The following TMEM232 variants were observed in gnomAD, a reference collection of about 807,000 sequenced individuals.
The protein encoded by TMEM232 is transmembrane protein 232.
A neutral mutation model predicts 78.8 loss-of-function variants in TMEM232; 80 were observed. The observed-to-expected ratio is 1.01, with a 90% CI of 0.85 to 1.22. The LOEUF is 1.22. TMEM232 is among the 50% of genes most tolerant of loss of function. TMEM232 has a pLI of 0.00. For synonymous variants in TMEM232, 297 were observed against 254.3 expected, an observed-to-expected ratio of 1.17 and a Z score of -1.60; for missense variants, 881 against 742.2, an observed-to-expected ratio of 1.19 and a Z score of -2.17.
At chr5:110,550,588 T>C (rs528170830) in intron 11 of TMEM232, among the ~76,000 whole-genome samples, 24 of 152,036 alleles carry the variant, frequency 1.6e-4, no homozygotes, top group African/African-American at 5.3e-4. Context: ...ACAAATTCTA[T>C]ATATGCATAT....
chr5:110,683,406 T>C (rs1035242802), intron 1 of TMEM232, among the ~76,000 whole-genome samples: 12 of 151,874 alleles, frequency 7.9e-5, no homozygotes, highest in Admixed American at 7.2e-4. Context: ...ATATATGTTG[T>C]GGCCTTGTAA....
intron 10 of TMEM232, among the ~76,000 whole-genome samples, chr5:110,596,742 A>G (rs894905861): frequency 2.0e-5 from 3 of 152,350 alleles, no homozygotes; most frequent in African/African-American, 4.8e-5. Context: ...TCCAGCATAT[A>G]AACAGAGCCA....
intron 10 of TMEM232, among the ~76,000 whole-genome samples, chr5:110,571,198 A>G (rs1488216461): frequency 6.6e-6 from 1 of 152,078 alleles, no homozygotes; most frequent in Non-Finnish European, 1.5e-5. Flanking sequence ...CTACTGGAGA[A>G]GAGAGAATAT....
chr5:110,610,567 C>T (rs1360161518), intron 8 of TMEM232: 2 of 456,196 alleles, frequency 4.4e-6, no homozygotes, highest in Middle Eastern at 3.3e-4. Context: ...AAGTTTCTCT[C>T]TAGGTAAAGC....
At chr5:110,521,402 T>TA (rs1769480772) in intron 12 of TMEM232, among the ~76,000 whole-genome samples, 1 of 152,224 alleles carries the variant, frequency 6.6e-6, no homozygotes, top group African/African-American at 2.4e-5. Context: ...TATTTTCTCC[T>TA]AATCTGTAGG....
intron 8 of TMEM232, among the ~76,000 whole-genome samples, chr5:110,607,694 G>A (rs1001014458): frequency 2.6e-5 from 4 of 151,958 alleles, no homozygotes; most frequent in African/African-American, 9.7e-5. Flanking sequence ...ATACAGTGCA[G>A]ATTGGTTAAT....
Position 110,528,740 on chromosome 5 carries a change from C to A in TMEM232, c.1551G>T (p.Trp517Cys). ...GEEVFSKYIG[W>C]RIANTLSKLF... ...GTTTGGAAAGAGTGTTGGCAATTCT[C>A]CACCCAATATATTTGGAGAAAACTT... The change falls in exon 12 of 14, where the codon TGG becomes TGT. Residue 517 changes from tryptophan (W) to cysteine (C), a missense_variant. Physicochemically the swap from Trp to Cys is radical, Grantham distance 215 (BLOSUM62 -2). Coordinates refer to ENST00000455884, the MANE Select transcript of TMEM232 (RefSeq NM_001039763.4). 1 of 1,533,342 alleles carries A rather than the reference C, an allele frequency of 6.5e-7. No individual in the cohort carries two copies. The highest frequency in any genetic ancestry group is 8.7e-7 in the Non-Finnish European group (1 of 1,145,586). The allele number at this position is 1,533,342 out of a possible 1,614,324, so 95.0% of individuals were successfully genotyped here. A position where few individuals can be genotyped will look rare whatever the true frequency, so the allele number is the denominator to read the frequency against.
intron 12 of TMEM232, among the ~76,000 whole-genome samples, chr5:110,521,095 T>G (rs893150347): frequency 2.6e-5 from 4 of 152,100 alleles, no homozygotes; most frequent in Non-Finnish European, 4.4e-5. Flanking sequence ...CGTCCTAGTA[T>G]GTCTAAGGCC....
chr5:110,648,558 AT>A (rs529435083), intron 2 of TMEM232, among the ~76,000 whole-genome samples: 32 of 152,130 alleles, frequency 2.1e-4, no homozygotes, highest in Non-Finnish European at 4.1e-4. Flanking sequence ...GTGAAGCAAA[AT>A]GTTCTTTCTT....
At chr5:110,705,307 T>C (rs926122572) in intron 1 of TMEM232, among the ~76,000 whole-genome samples, 3 of 152,062 alleles carry the variant, frequency 2.0e-5, no homozygotes, top group African/African-American at 7.2e-5. Flanking sequence ...GGGCAGGACT[T>C]AGGATATTAG....
intron 12 of TMEM232, among the ~76,000 whole-genome samples, chr5:110,496,598 A>G (rs1765670371): frequency 6.6e-6 from 1 of 152,032 alleles, no homozygotes; most frequent in Non-Finnish European, 1.5e-5. Flanking sequence ...GAGAAGAGAG[A>G]ACAGATGTCT....
chr5:110,532,191 A>C (rs1771604198), intron 11 of TMEM232, among the ~76,000 whole-genome samples: 1 of 152,072 alleles, frequency 6.6e-6, no homozygotes, highest in Non-Finnish European at 1.5e-5. Context: ...CCATTTGTGC[A>C]GGATCCCACT....
At chr5:110,698,705 A>G (rs1186044786) in intron 1 of TMEM232, among the ~76,000 whole-genome samples, 1 of 152,034 alleles carries the variant, frequency 6.6e-6, no homozygotes, top group Non-Finnish European at 1.5e-5. Flanking sequence ...CTCTAAGAGG[A>G]GTAGTACATC....
At chr5:110,641,138 T>C in intron 3 of TMEM232, 142 bp from the exon 4 acceptor site, 1 of 477,964 alleles carries the variant, frequency 2.1e-6, no homozygotes, top group Non-Finnish European at 3.4e-6. Flanking sequence ...ATTTTATATT[T>C]TTGCTTTTAT....
chr5:110,719,582 T>G (rs949685252), intron 1 of TMEM232, among the ~76,000 whole-genome samples: 2 of 152,124 alleles, frequency 1.3e-5, no homozygotes. Context: ...GGGAATATAT[T>G]GTAGCAATTC....
intron 12 of TMEM232, among the ~76,000 whole-genome samples, chr5:110,481,234 A>G (rs1306740634): frequency 1.3e-5 from 2 of 152,108 alleles, no homozygotes; most frequent in African/African-American, 2.4e-5. Flanking sequence ...TAAGCTGTTC[A>G]ATGTTAAATT....
At chr5:110,431,408 A>G (rs1356019651) in intron 12 of TMEM232, among the ~76,000 whole-genome samples, 1 of 151,712 alleles carries the variant, frequency 6.6e-6, no homozygotes, top group Non-Finnish European at 1.5e-5. Context: ...TCCTGGAGTC[A>G]GTTCAGCTAC....
chr5:110,717,945 T>G (rs972791111), intron 1 of TMEM232, among the ~76,000 whole-genome samples: 4 of 152,110 alleles, frequency 2.6e-5, no homozygotes, highest in African/African-American at 9.7e-5. Context: ...TGTATAGCAG[T>G]GAGAATGGAC....
upstream of TMEM232, among the ~76,000 whole-genome samples, chr5:110,730,949 G>A (rs1324150778): frequency 2.0e-5 from 3 of 152,096 alleles, no homozygotes; most frequent in Non-Finnish European, 4.4e-5. Context: ...ACAGTCCAAA[G>A]TCTCATCTGC....
Sources: gnomAD v4.1 joint callset for allele counts (sites outside exome capture counted in the v4.1 genomes callset) on GRCh38, gnomAD v4.1.1 for gene constraint, MANE v1.5 for transcripts, NCBI Gene and HGNC (gene_info 2026-07-23, HGNC 2026-07-21) for gene names.